ABR: variants seen among roughly 807,000 people sequenced by gnomAD.
ABR encodes the protein ABR activator of RhoGEF and GTPase, also known as active breakpoint cluster region-related protein.
Under a neutral mutation model 107.2 loss-of-function variants are expected in ABR, and 35 were observed. The ratio of observed to expected loss-of-function variants is 0.33; its 90% CI spans 0.25 to 0.43. The LOEUF (loss-of-function observed/expected upper bound fraction) is 0.43. Among genes scored for constraint, ABR ranks in the 20% least tolerant of loss-of-function variants. The probability of loss-of-function intolerance (pLI) is 1.00; values close to 1 mark genes in which losing one functional copy is unlikely to be tolerated. For missense variants in ABR, 815 were observed against 1,115.2 expected, an observed-to-expected ratio of 0.73 and a Z score of 3.83; for synonymous variants, 498 against 462.0, an observed-to-expected ratio of 1.08 and a Z score of -1.00.
chr17:1,020,687 T>C (rs2071555559), intron 16 of ABR, among the ~76,000 whole-genome samples: 1 of 152,150 alleles, frequency 6.6e-6, no homozygotes, highest in Admixed American at 6.5e-5. Context: ...ATCAGCAAAG[T>C]GGCCCCGCAG....
At chr17:1,143,009 G>C (rs547615397) in intron 1 of ABR, among the ~76,000 whole-genome samples, 1 of 147,460 alleles carries the variant, frequency 6.8e-6, no homozygotes, top group Non-Finnish European at 1.5e-5. Context: ...CTCATTCCTG[G>C]GGACAGCTCG....
chr17:1,123,321 G>A (rs1006967140), intron 2 of ABR, among the ~76,000 whole-genome samples: 1 of 152,102 alleles, frequency 6.6e-6, no homozygotes, highest in Non-Finnish European at 1.5e-5. Flanking sequence ...GCACTTTAGG[G>A]GGCAGTCACT....
At chr17:1,202,255 C>T (rs1040496927) in intron 1 of ABR, among the ~76,000 whole-genome samples, 1 of 152,028 alleles carries the variant, frequency 6.6e-6, no homozygotes, top group African/African-American at 2.4e-5. Context: ...CTCCAACTCC[C>T]GACCTCAGGT....
rs949189911 is a variant in ABR at position 1,110,751 on chromosome 17, G to A, written c.247-10016C>T. On this transcript the variant is annotated intron_variant, in intron 2 of 22. Coordinates refer to ENST00000302538, the MANE Select transcript of ABR (RefSeq NM_021962.5). ...TGAAATACAGAGCAGGGGATTGCGG[G>A]GTGAGCCCTTGAGGGGCCCCAGGGC... Among the ~76,000 whole-genome samples the A allele has an allele frequency of 2.7e-4, 41 of 152,182 alleles. 1 individual carries two copies. Among genetic ancestry groups the A allele is most frequent in the Admixed American group, 2.5e-3 (38 of 15,284 alleles).
At chr17:1,020,788 G>GC (rs1005308433) in intron 16 of ABR, among the ~76,000 whole-genome samples, 7 of 152,172 alleles carry the variant, frequency 4.6e-5, no homozygotes, top group Non-Finnish European at 1.0e-4. Flanking sequence ...TCCTGGGGAT[G>GC]CCCCTGAGGG....
intron 2 of ABR, among the ~76,000 whole-genome samples, chr17:1,116,094 C>T (rs2038974379): frequency 2.0e-5 from 3 of 151,896 alleles, no homozygotes; most frequent in Admixed American, 6.6e-5. Context: ...GATGTGGTGG[C>T]CTGTAATCCC....
rs147995148 is a variant in ABR, at chr17:1,018,082, G to C, written c.1792-4918C>G. Among the ~76,000 whole-genome samples, 1,266 of 150,050 alleles carry C rather than the reference G, an allele frequency of 8.4e-3. 35 individuals carry two copies. The highest frequency in any genetic ancestry group is 0.03 in the African/African-American group (1,203 of 40,360). On this transcript the variant is annotated intron_variant, in intron 16 of 22. Transcript: ENST00000302538. ...TTTTGAGACGGAGTCTTGCTCTGTC[G>C]CCCAGGCTGGAGTGCTGTGGCGCGA...
At chr17:1,062,138 G>A (rs963139619) in intron 10 of ABR, among the ~76,000 whole-genome samples, 6 of 152,064 alleles carry the variant, frequency 3.9e-5, no homozygotes, top group Non-Finnish European at 8.8e-5. Flanking sequence ...ACCGCTCCAG[G>A]CCCTTCCTCC....
At chr17:1,203,402 G>T (rs570367496) in intron 1 of ABR, among the ~76,000 whole-genome samples, 15,750 of 21,482 alleles carry the variant, frequency 0.73, 6,324 homozygotes, top group South Asian at 0.8. Context: ...GGGGCCCGCG[G>T]GGGGCGGAGT....
intron 1 of ABR, among the ~76,000 whole-genome samples, chr17:1,193,964 G>C (rs2042494988): frequency 6.6e-6 from 1 of 152,094 alleles, no homozygotes; most frequent in South Asian, 2.1e-4. Context: ...AAAGTGCTGG[G>C]ATAACAGGCG....
chr17:1,033,883 C>G (rs2072983827), intron 16 of ABR, among the ~76,000 whole-genome samples: 1 of 152,092 alleles, frequency 6.6e-6, no homozygotes, highest in Non-Finnish European at 1.5e-5. Context: ...AGGACCCAGA[C>G]AGCCCCTTCA....
intron 16 of ABR, among the ~76,000 whole-genome samples, chr17:1,043,501 A>T (rs953500320): frequency 6.6e-6 from 1 of 151,200 alleles, no homozygotes; most frequent in Non-Finnish European, 1.5e-5. Flanking sequence ...ACTTTATGTT[A>T]TGTATATTTC....
At chr17:1,069,322 G>A (rs1376168184) in intron 9 of ABR, among the ~76,000 whole-genome samples, 1 of 152,002 alleles carries the variant, frequency 6.6e-6, no homozygotes, top group Non-Finnish European at 1.5e-5. Context: ...CTTACTTTCA[G>A]GAAAAAAGGC....
At position 1,067,251 on chromosome 17, in the gene ABR, G is replaced by C; in HGVS notation, c.1017-9C>G. ...CATACTGCTGGTGCTTCCTGCAAAC[G>C]AGCCAGAGGGAGCCATGAGCCAGAG... On this transcript the variant is annotated splice_polypyrimidine_tract_variant and intron_variant, in intron 9 of 22. Coordinates refer to ENST00000302538, the MANE Select transcript of ABR (RefSeq NM_021962.5). 1 of 1,561,964 alleles carries C rather than the reference G, an allele frequency of 6.4e-7. No individual in the cohort carries two copies. The highest frequency in any genetic ancestry group is 8.6e-7 in the Non-Finnish European group (1 of 1,156,518).
At chr17:1,087,223 G>A (rs952322351) in intron 4 of ABR, among the ~76,000 whole-genome samples, 6 of 152,240 alleles carry the variant, frequency 3.9e-5, no homozygotes, top group Non-Finnish European at 7.3e-5. Flanking sequence ...AGGTGCTGGG[G>A]GAAGTGGGCT....
intron 3 of ABR, among the ~76,000 whole-genome samples, chr17:1,095,745 C>T (rs2037376175): frequency 6.6e-6 from 1 of 152,212 alleles, no homozygotes; most frequent in South Asian, 2.1e-4. Context: ...TGGGACTTCA[C>T]ATAGCCGTTT....
intron 1 of ABR, among the ~76,000 whole-genome samples, chr17:1,226,027 A>G (rs1318712277): frequency 6.6e-6 from 1 of 152,202 alleles, no homozygotes; most frequent in South Asian, 2.1e-4. Context: ...CAAAAACAGA[A>G]TAATACTCGC....
intron 1 of ABR, among the ~76,000 whole-genome samples, chr17:1,213,174 A>G (rs1469441042): frequency 4.6e-5 from 7 of 152,206 alleles, no homozygotes; most frequent in African/African-American, 1.4e-4. Flanking sequence ...TAATATGCTC[A>G]GGGTGGGAGA....
In ABR at chr17:1,079,347, G is replaced by A. The variant is rs770182453; in HGVS notation, c.683C>T (p.Thr228Met). Residue 228 changes from threonine (T) to methionine (M), a missense_variant, in exon 6 of 23, where the codon ACG becomes ATG. By Grantham distance (81) the Thr-to-Met change is moderately conservative. This residue lies in a region of ABR where 385 missense variants were observed against 596.9 expected (regional missense o/e 0.64). Transcript: ENST00000302538. ...CGAGGTACCTTCCATGGTGACAGACGTGTGGCTGTCCTTGGAGTCCTTGGG... is the reference window on the plus strand; with the variant it reads ...CGAGGTACCTTCCATGGTGACAGACATGTGGCTGTCCTTGGAGTCCTTGGG... ...KGPKDSKDSH[T>M]SVTMEALLYK... 8.1e-6 allele frequency: 13 copies of A among 1,613,528 alleles called. No individual in the cohort carries two copies. Among genetic ancestry groups the A allele is most frequent in the East Asian group, 2.2e-5 (1 of 44,874 alleles).
Sources: gnomAD v4.1 joint callset for allele counts (sites outside exome capture counted in the v4.1 genomes callset) on GRCh38, gnomAD v4.1.1 for gene constraint, gnomAD v4.1.1 regional missense constraint, MANE v1.5 for transcripts, NCBI Gene and HGNC (gene_info 2026-07-23, HGNC 2026-07-21) for gene names.